GLDC: variants seen among roughly 807,000 people sequenced by gnomAD.
GLDC encodes the protein glycine dehydrogenase (decarboxylating), mitochondrial.
In GLDC, 104 loss-of-function variants were observed where a neutral mutation model predicts 121.3. The observed-to-expected ratio is 0.86, with a 90% confidence interval of 0.73 to 1.01. GLDC has a LOEUF of 1.01. GLDC is among the 50% of genes least tolerant of loss of function. GLDC has a pLI of 0.00. For missense variants in GLDC, 1,429 were observed against 1,306.6 expected (o/e 1.09, Z -1.44); for synonymous variants, 546 against 480.6 (o/e 1.14, Z -1.78).
chr9:6,555,490 C>T (rs1028245302), intron 18 of GLDC, among the ~76,000 whole-genome samples: 2 of 151,808 alleles, frequency 1.3e-5, no homozygotes, highest in Non-Finnish European at 2.9e-5. Flanking sequence ...AAAAAGAGGT[C>T]GGGCGTGGTG....
At chr9:6,594,030 G>C (rs1267528952) in intron 9 of GLDC, among the ~76,000 whole-genome samples, 2 of 151,928 alleles carry the variant, frequency 1.3e-5, no homozygotes, top group African/African-American at 4.8e-5. Context: ...TCTCGCTCTT[G>C]CCCACGCTGG....
chr9:6,585,512 G>A (rs1353404195), intron 15 of GLDC, among the ~76,000 whole-genome samples: 1 of 152,180 alleles, frequency 6.6e-6, no homozygotes, highest in East Asian at 1.9e-4. Context: ...AGACGCAATT[G>A]AGAGCACTGT....
At chr9:6,538,256 G>A (rs1292236138) in intron 22 of GLDC, among the ~76,000 whole-genome samples, 1 of 152,048 alleles carries the variant, frequency 6.6e-6, no homozygotes, top group African/African-American at 2.4e-5. Flanking sequence ...AGAAATTCCT[G>A]CATCTGGGCC....
chr9:6,634,695 A>G (rs763715034), intron 2 of GLDC, among the ~76,000 whole-genome samples: 3 of 152,112 alleles, frequency 2.0e-5, no homozygotes, highest in Non-Finnish European at 2.9e-5. Context: ...CCAGGACTCC[A>G]TGTGGGCCTG....
intron 16 of GLDC, among the ~76,000 whole-genome samples, chr9:6,564,191 T>A (rs755100604): frequency 6.7e-6 from 1 of 149,516 alleles, no homozygotes; most frequent in African/African-American, 2.5e-5. Flanking sequence ...GAGGTTGCAA[T>A]GAGCCGAGAT....
At chr9:6,623,665 A>G (rs1243067362) in intron 2 of GLDC, among the ~76,000 whole-genome samples, 2 of 152,236 alleles carry the variant, frequency 1.3e-5, no homozygotes, top group African/African-American at 4.8e-5. Context: ...CAGTAGAGTA[A>G]GGAAAGAGAG....
At chr9:6,588,472 A>G in intron 13 of GLDC, 30 bp from the exon 14 acceptor site, 1 of 1,585,276 alleles carries the variant, frequency 6.3e-7, no homozygotes, top group Non-Finnish European at 8.7e-7. Context: ...AATGTATCAC[A>G]TTAGTGATTT....
In GLDC at chr9:6,574,918, T is replaced by C. The variant is rs543547022; in HGVS notation, c.1851-9489A>G. Among the ~76,000 whole-genome samples the C allele has an allele frequency of 3.3e-5, 5 of 152,206 alleles. No homozygotes were observed. The South Asian group carries it at 1.0e-3, about 32-fold the overall frequency. ...TTTGACCCTCCCTGCACTAAATTAT[T>C]TGTGATATGCATATGATAGCCACAT... is the stretch of plus-strand genomic sequence containing the variant. On this transcript the variant is annotated intron_variant, in intron 15 of 24. Transcript: ENST00000321612.
In GLDC at chr9:6,614,519, G is replaced by A. The variant is rs531015329; in HGVS notation, c.471-4163C>T. On this transcript the variant is annotated intron_variant, in intron 3 of 24. Coordinates refer to ENST00000321612, the MANE Select transcript of GLDC (RefSeq NM_000170.3). ...CAAAATGTTGGGAATACAGGCGTGA[G>A]CCACCACGCCCAGCTGAAGCCCTGG... is the stretch of plus-strand genomic sequence containing the variant. Among the ~76,000 whole-genome samples, 10 of 150,232 alleles carry A rather than the reference G, an allele frequency of 6.7e-5. No homozygotes were observed. In the South Asian group the frequency reaches 2.1e-3, roughly 32 times the overall value.
intron 16 of GLDC, among the ~76,000 whole-genome samples, chr9:6,563,305 C>G (rs1469523980): frequency 6.6e-6 from 1 of 152,200 alleles, no homozygotes; most frequent in Non-Finnish European, 1.5e-5. Context: ...AGCATTACTG[C>G]GTGGAAAGAA....
chr9:6,629,958 T>TATATATATATGTATACATATATATA, intron 2 of GLDC, among the ~76,000 whole-genome samples: 1 of 78,680 alleles, frequency 1.3e-5, no homozygotes, highest in Admixed American at 1.3e-4. Flanking sequence ...TATATATATA[T>TATATATATATGTATACATATATATA]TTTTTTTTTT....
chr9:6,609,248 G>A (rs898766833), intron 4 of GLDC, among the ~76,000 whole-genome samples: 1 of 152,164 alleles, frequency 6.6e-6, no homozygotes, highest in Non-Finnish European at 1.5e-5. Context: ...GGCTCTTCAG[G>A]AAATAATCAG....
chr9:6,629,587 A>T (rs1027115081), intron 2 of GLDC, among the ~76,000 whole-genome samples: 1 of 145,970 alleles, frequency 6.9e-6, no homozygotes, highest in Non-Finnish European at 1.5e-5. Flanking sequence ...AATCTGTATG[A>T]GTCAAGATAC....
At chr9:6,630,900 T>A (rs1203026776) in intron 2 of GLDC, among the ~76,000 whole-genome samples, 2 of 152,200 alleles carry the variant, frequency 1.3e-5, no homozygotes, top group East Asian at 3.8e-4. Flanking sequence ...ACGCAGTCCA[T>A]AGAGCCAACT....
intron 16 of GLDC, among the ~76,000 whole-genome samples, chr9:6,560,993 A>G (rs957970051): frequency 1.3e-5 from 2 of 152,240 alleles, no homozygotes; most frequent in Non-Finnish European, 2.9e-5. Flanking sequence ...CGAGCCAAGG[A>G]ACGCAGGAGG....
intron 16 of GLDC, 65 bp from the exon 17 acceptor site, chr9:6,558,749 A>C (rs1817686788): frequency 1.3e-6 from 2 of 1,555,770 alleles, no homozygotes; most frequent in East Asian, 2.2e-5. Flanking sequence ...AATGACAGAA[A>C]AGTACTACAA....
intron 15 of GLDC, among the ~76,000 whole-genome samples, chr9:6,570,364 T>C (rs1285244449): frequency 6.6e-6 from 1 of 152,246 alleles, no homozygotes; most frequent in Non-Finnish European, 1.5e-5. Context: ...ATTTTTGAAT[T>C]ACTAAATATC....
At chr9:6,554,951 C>A (rs1347101299) in intron 18 of GLDC, 170 bp from the exon 19 acceptor site, 1 of 677,630 alleles carries the variant, frequency 1.5e-6, no homozygotes, top group Non-Finnish European at 2.7e-6. Context: ...TCCGTAGTCA[C>A]AAACTGGCAT....
intron 3 of GLDC, 124 bp downstream of exon 3, chr9:6,620,060 T>G (rs759071521): frequency 5.4e-6 from 5 of 930,400 alleles, no homozygotes; most frequent in African/African-American, 4.8e-5. Flanking sequence ...TTCCCGGACA[T>G]TGGAGACAGC....
Sources: gnomAD v4.1 joint callset for allele counts (sites outside exome capture counted in the v4.1 genomes callset) on GRCh38, gnomAD v4.1.1 for gene constraint, MANE v1.5 for transcripts, NCBI Gene and HGNC (gene_info 2026-07-23, HGNC 2026-07-21) for gene names.